Variants in KCTD20 observed in about 807,000 individuals in gnomAD.
KCTD20 encodes BTB/POZ domain-containing protein KCTD20.
In KCTD20, 30 loss-of-function variants were observed where a neutral mutation model predicts 39.6. That is an observed-to-expected ratio of 0.76 (90% CI 0.57 to 1.03). KCTD20 has a LOEUF of 1.03. Ranked by LOEUF, KCTD20 falls within the 50% of genes least tolerant of loss-of-function variation. The pLI is 0.00. For missense variants in KCTD20, 422 were observed against 522.0 expected, an observed-to-expected ratio of 0.81 and a Z score of 1.87; for synonymous variants, 162 against 180.6, an observed-to-expected ratio of 0.90 and a Z score of 0.83.
chr6:36,482,923 G>A (rs1776297230), intron 6 of KCTD20, among the ~76,000 whole-genome samples: 2 of 141,348 alleles, frequency 1.4e-5, no homozygotes, highest in African/African-American at 5.4e-5. Context: ...TTCAGCCTGA[G>A]TGACAGAGCA....
At chr6:36,481,882 T>C (rs1776261944) in intron 6 of KCTD20, 123 bp downstream of exon 6, 1 of 792,716 alleles carries the variant, frequency 1.3e-6, no homozygotes. Flanking sequence ...CTCACCTGGA[T>C]GACAAATCCC....
chr6:36,455,671 T>C (rs1387145334), intron 1 of KCTD20, among the ~76,000 whole-genome samples: 2 of 152,164 alleles, frequency 1.3e-5, no homozygotes, highest in African/African-American at 4.8e-5. Context: ...GTTCACACTA[T>C]GTTGGGGACT....
intron 1 of KCTD20, among the ~76,000 whole-genome samples, chr6:36,457,940 G>T (rs1775485887): frequency 1.3e-5 from 2 of 152,108 alleles, no homozygotes; most frequent in Non-Finnish European, 2.9e-5. Context: ...TGGGTGGAAG[G>T]TTTGAGATCC....
At position 36,450,671 on chromosome 6, in the gene KCTD20, GTGTTA is replaced by G. The variant is rs1199106976; in HGVS notation, c.-47+7567_-47+7571del. Among the ~76,000 whole-genome samples the G allele has an allele frequency of 5.3e-5, 8 of 151,990 alleles. No individual in the cohort carries two copies. The East Asian group carries it at 9.6e-4, about 18-fold the overall frequency. On this transcript the variant is annotated intron_variant, in intron 1 of 7. Transcript: ENST00000373731. ...ATATTATGCCTCTGTATAAATCATTGTGTTATGTTATATTTAAGATTATCCTGTTA... is the reference window on the plus strand; with the variant it reads ...ATATTATGCCTCTGTATAAATCATTGTGTTATATTTAAGATTATCCTGTTA...
At chr6:36,467,440 G>GCCATTCTCCTGCCTCAGCCTC (rs1359335755) in intron 1 of KCTD20, among the ~76,000 whole-genome samples, 3 of 122,764 alleles carry the variant, frequency 2.4e-5, no homozygotes, top group African/African-American at 6.2e-5. Flanking sequence ...CCAGGTTCAT[G>GCCATTCTCCTGCCTCAGCCTC]CCATTCTCCT....
chr6:36,485,931 G>A (rs1056619547), intron 7 of KCTD20, among the ~76,000 whole-genome samples: 11 of 151,970 alleles, frequency 7.2e-5, no homozygotes, highest in Admixed American at 7.2e-4. Flanking sequence ...AAGAGACAGG[G>A]TCTCACTCTT....
intron 1 of KCTD20, among the ~76,000 whole-genome samples, chr6:36,461,501 G>A (rs1026346839): frequency 1.3e-5 from 2 of 151,954 alleles, no homozygotes; most frequent in Non-Finnish European, 2.9e-5. Context: ...TTTATATGTA[G>A]TACATTAATA....
intron 2 of KCTD20, among the ~76,000 whole-genome samples, chr6:36,473,544 G>A (rs1272697096): frequency 8.6e-5 from 13 of 151,986 alleles, no homozygotes; most frequent in East Asian, 5.9e-4. Context: ...AGGCCAAGGC[G>A]GGCGGATCAC....
rs535208925 is a variant in KCTD20 at position 36,487,511 on chromosome 6, C to G, written c.*336C>G. On this transcript the variant is annotated 3_prime_UTR_variant, in exon 8 of 8. Coordinates refer to ENST00000373731, the MANE Select transcript of KCTD20 (RefSeq NM_173562.5). ...TCGTGCTTAGCAAAGCAGTCCTTAT[C>G]CTTTATACTCTGTTCTTGGGTTTTG... The G allele has an allele frequency of 4.0e-5, 10 of 249,606 alleles. No individual in the cohort carries two copies. The East Asian group carries it at 8.8e-4, about 22-fold the overall frequency. The allele number at this position is 249,606 out of a possible 1,614,324, so 15.5% of individuals were successfully genotyped here.
At chr6:36,473,766 C>CT (rs969218120) in intron 2 of KCTD20, among the ~76,000 whole-genome samples, 7 of 150,830 alleles carry the variant, frequency 4.6e-5, no homozygotes, top group African/African-American at 1.7e-4. Flanking sequence ...GTGTGAGACT[C>CT]TATCTCAAAA....
At chr6:36,465,115 A>G (rs10947608) in intron 1 of KCTD20, among the ~76,000 whole-genome samples, 29,774 of 151,854 alleles carry the variant, frequency 0.2, 3,106 homozygotes, top group East Asian at 0.39. Flanking sequence ...AGCCAACATG[A>G]TGAAACCCCG....
intron 6 of KCTD20, among the ~76,000 whole-genome samples, chr6:36,483,263 CTTTTTTT>C (rs766717414): frequency 5.5e-4 from 42 of 76,734 alleles, no homozygotes; most frequent in Non-Finnish European, 7.8e-4. Flanking sequence ...GTGGCTTTTT[CTTTTTTT>C]TTTTTTTTTT....
Position 36,470,125 on chromosome 6 carries a change from G to T in KCTD20, c.28G>T (p.Asp10Tyr). 6.2e-7 allele frequency: 1 copy of T among 1,613,982 alleles called. No homozygotes were observed. Reference protein sequence around the residue: MNVHRGSDSDRLLRQEASCL... With the variant: MNVHRGSDSYRLLRQEASCL... ...GAATGTTCACCGTGGCAGTGACAGT[G>T]ACAGGTTATTGCGGCAGGAGGCCAG... is the stretch of plus-strand genomic sequence containing the variant. Residue 10 changes from aspartate to tyrosine, a missense_variant, in exon 2 of 8, where the codon GAC (aspartate) becomes TAC (tyrosine). By Grantham distance (160) the Asp-to-Tyr change is radical (BLOSUM62 -3). Transcript: ENST00000373731.
At chr6:36,483,799 G>A (rs911319696) in intron 6 of KCTD20, among the ~76,000 whole-genome samples, 9 of 151,898 alleles carry the variant, frequency 5.9e-5, no homozygotes, top group Admixed American at 2.6e-4. Context: ...GATTACAGGC[G>A]TGAGCCACTG....
At chr6:36,455,524 T>A (rs1326829566) in intron 1 of KCTD20, among the ~76,000 whole-genome samples, 1 of 152,162 alleles carries the variant, frequency 6.6e-6, no homozygotes, top group African/African-American at 2.4e-5. Flanking sequence ...AGGAGAAAAG[T>A]GGTACAGAGT....
At chr6:36,463,379 T>C (rs996202984) in intron 1 of KCTD20, among the ~76,000 whole-genome samples, 2 of 152,196 alleles carry the variant, frequency 1.3e-5, no homozygotes, top group Non-Finnish European at 2.9e-5. Flanking sequence ...GTACAAAATA[T>C]GGTATTTTAT....
At chr6:36,472,655 T>C (rs2127446684) in intron 2 of KCTD20, among the ~76,000 whole-genome samples, 1 of 152,258 alleles carries the variant, frequency 6.6e-6, no homozygotes, top group Middle Eastern at 3.4e-3. Context: ...TCCCTATGTT[T>C]GGAATTTTTC....
chr6:36,447,768 A>AAC (rs1416692781), intron 1 of KCTD20, among the ~76,000 whole-genome samples: 1 of 152,020 alleles, frequency 6.6e-6, no homozygotes, highest in Non-Finnish European at 1.5e-5. Context: ...ACATGGGCAC[A>AAC]TCGCTTGAGC....
rs1167740656 is a variant in KCTD20 at position 36,490,286 on chromosome 6, G to T, written c.*3111G>T. On this transcript the variant is annotated 3_prime_UTR_variant, in exon 8 of 8. Transcript: ENST00000373731. ...GTGGTGGCTCACGCCTGTAATCCCA[G>T]CACTTTGGGAGGCCGAGGCCGGCAA... 1 of 152,278 alleles carries T rather than the reference G, an allele frequency of 6.6e-6. No homozygotes were observed. The highest frequency in any genetic ancestry group is 1.9e-4 in the East Asian group (1 of 5,196). The allele number at this position is 152,278 out of a possible 1,614,324, so 9.4% of individuals were successfully genotyped here. A position where few individuals can be genotyped will look rare whatever the true frequency, so the allele number is the denominator to read the frequency against.
Sources: allele counts gnomAD v4.1 joint callset (sites outside exome capture counted in the v4.1 genomes callset), GRCh38; gene constraint gnomAD v4.1.1; transcripts MANE v1.5; gene names NCBI Gene and HGNC (gene_info 2026-07-23, HGNC 2026-07-21).